The following PUDP variants were observed in gnomAD, a reference collection of about 807,000 sequenced individuals.
The protein encoded by PUDP is pseudouridine-5'-phosphatase.
Under a neutral mutation model 9.4 loss-of-function variants are expected in PUDP, and 8 were observed. The ratio of observed to expected loss-of-function variants is 0.85; its 90% CI spans 0.50 to 1.53. The LOEUF is 1.53. Ranked by LOEUF, PUDP falls within the 40% of genes most tolerant of loss-of-function variation. The probability of loss-of-function intolerance (pLI) is 0.00; values close to 1 mark genes in which losing one functional copy is unlikely to be tolerated. For synonymous variants in PUDP, 99 were observed against 80.7 expected (o/e 1.23, Z -1.22); for missense variants, 188 against 189.7 (o/e 0.99, Z 0.05).
chrX:7,019,686 C>A (rs1929602588), intron 1 of PUDP, among the ~76,000 whole-genome samples: 1 of 112,064 alleles, frequency 8.9e-6, no homozygotes, highest in Non-Finnish European at 1.9e-5. Context: ...ATGCAAGCCT[C>A]CATTCTTCAA....
At chrX:6,832,236 G>A (rs7879301) in intron 3 of PUDP, among the ~76,000 whole-genome samples, 21,461 of 111,031 alleles carry the variant, frequency 0.19, 1,673 homozygotes, top group East Asian at 0.46. Flanking sequence ...CACCAAAGAA[G>A]TTCTGTTTAG....
rs1569122798 is a variant in PUDP at position 6,916,243 on chromosome X, CACACA to C, written c.*247+60885_*247+60889del. On this transcript the variant is annotated intron_variant and NMD_transcript_variant, in intron 3 of 3. Coordinates refer to the PUDP transcript ENST00000655425. The stretch of plus-strand genomic sequence containing the variant: ...ACACACACACACACACACACACACA[CACACA>C]CCCTGGGGAACTGGTAAATTTGGGG... 2.4e-3 allele frequency among the ~76,000 whole-genome samples: 201 copies of C among 83,542 alleles called. 1 individual carries two copies. Among genetic ancestry groups the C allele is most frequent in the African/African-American group, 0.01 (193 of 18,858 alleles). 72.5% of individuals were successfully genotyped at this position (83,542 alleles called of 115,157 possible). A position where few individuals can be genotyped will look rare whatever the true frequency, so the allele number is the denominator to read the frequency against.
intron 3 of PUDP, among the ~76,000 whole-genome samples, chrX:6,920,264 C>T (rs961155809): frequency 4.5e-5 from 5 of 111,081 alleles, no homozygotes; most frequent in African/African-American, 1.6e-4. Context: ...TTGGTCATCA[C>T]CTAGGTTCTT....
chrX:7,024,470 C>T (rs1183917951), intron 1 of PUDP, among the ~76,000 whole-genome samples: 1 of 110,402 alleles, frequency 9.1e-6, no homozygotes, highest in Admixed American at 9.6e-5. Flanking sequence ...TTTGTTTTTT[C>T]GTCTTTTTTA....
intron 3 of PUDP, among the ~76,000 whole-genome samples, chrX:6,839,099 T>C (rs1926627495): frequency 8.9e-6 from 1 of 112,397 alleles, no homozygotes; most frequent in African/African-American, 3.2e-5. Context: ...TCCTAAGGAA[T>C]AGCACATTGA....
rs767516873 is a variant in PUDP at position 6,961,150 on chromosome X, A to T, written c.*247+15983T>A. On this transcript the variant is annotated intron_variant and NMD_transcript_variant, in intron 3 of 3. Transcript: ENST00000655425. ...TGTGGTGCCTCATACCTGTAATCCC[A>T]GCACTTTGGGAGGACGAGGTAGGTG... Among the ~76,000 whole-genome samples the T allele has an allele frequency of 2.2e-4, 25 of 111,924 alleles. 1 individual carries two copies. The highest frequency in any genetic ancestry group is 8.1e-4 in the African/African-American group (25 of 30,857).
intron 3 of PUDP, among the ~76,000 whole-genome samples, chrX:6,727,852 G>A (rs12832138): frequency 6.6e-4 from 74 of 111,467 alleles, no homozygotes; most frequent in African/African-American, 2.3e-3. Flanking sequence ...TCAAGCTATC[G>A]ATGTCACTGT....
downstream of PUDP, among the ~76,000 whole-genome samples, chrX:7,043,985 A>G (rs1253715397): frequency 8.9e-6 from 1 of 112,373 alleles, no homozygotes; most frequent in Non-Finnish European, 1.9e-5. Context: ...ATGCATGCAA[A>G]TCTAACTGAC....
At chrX:6,872,484 A>T (rs1430555664) in intron 3 of PUDP, among the ~76,000 whole-genome samples, 1 of 110,175 alleles carries the variant, frequency 9.1e-6, no homozygotes, top group Non-Finnish European at 1.9e-5. Context: ...GGATCACTTG[A>T]GGTCAGGAGT....
intron 1 of PUDP, among the ~76,000 whole-genome samples, chrX:7,135,036 T>C (rs1221779409): frequency 8.9e-6 from 1 of 111,913 alleles, no homozygotes; most frequent in Non-Finnish European, 1.9e-5. Context: ...ATGGCAGGGA[T>C]ACAACTGGGT....
At chrX:7,100,670 G>A (rs1473192073) in intron 2 of PUDP, among the ~76,000 whole-genome samples, 2 of 111,948 alleles carry the variant, frequency 1.8e-5, no homozygotes, top group Non-Finnish European at 3.8e-5. Context: ...GTCACCTTCC[G>A]AGGGGAATTC....
chrX:6,918,703 A>C (rs1292107852), intron 3 of PUDP, among the ~76,000 whole-genome samples: 1 of 111,664 alleles, frequency 9.0e-6, no homozygotes, highest in Non-Finnish European at 1.9e-5. Context: ...TTTCACTGTA[A>C]CCTCACGTAG....
rs757469531 is a variant in PUDP, at chrX:7,018,264, A to C, written c.205-39921T>G. Reference sequence around the variant, plus strand: ...CCTGAATTCTTTCTTGGCGAGATCCAAGAACCCTCTCTTGGGGTCTGGATC... The same window carrying C: ...CCTGAATTCTTTCTTGGCGAGATCCCAGAACCCTCTCTTGGGGTCTGGATC... On this transcript the variant is annotated intron_variant and NMD_transcript_variant, in intron 1 of 3. Coordinates refer to the PUDP transcript ENST00000655425. 1.1e-3 allele frequency among the ~76,000 whole-genome samples: 122 copies of C among 112,029 alleles called. 1 individual carries two copies. The highest frequency in any genetic ancestry group is 1.6e-3 in the Non-Finnish European group (85 of 53,214).
intron 3 of PUDP, among the ~76,000 whole-genome samples, chrX:6,923,941 C>T (rs1377107933): frequency 9.0e-6 from 1 of 110,962 alleles, no homozygotes; most frequent in Non-Finnish European, 1.9e-5. Flanking sequence ...TTCTCCCTTG[C>T]CAGCCCCAAA....
At chrX:7,053,164 G>A (rs1930148701) in intron 3 of PUDP, among the ~76,000 whole-genome samples, 1 of 107,283 alleles carries the variant, frequency 9.3e-6, no homozygotes, top group African/African-American at 3.4e-5. Flanking sequence ...GACTGGGGTA[G>A]AGGAAGAGAT....
intron 3 of PUDP, among the ~76,000 whole-genome samples, chrX:6,865,700 G>A (rs1323265234): frequency 9.0e-6 from 1 of 110,956 alleles, no homozygotes; most frequent in African/African-American, 3.3e-5. Flanking sequence ...CCTATATCAT[G>A]GCAGATATGC....
intron 1 of PUDP, among the ~76,000 whole-genome samples, chrX:6,998,056 G>A (rs1390182795): frequency 8.9e-6 from 1 of 111,857 alleles, no homozygotes; most frequent in Non-Finnish European, 1.9e-5. Context: ...TCATAGTCTT[G>A]TGGACCTGGT....
At chrX:7,046,148 C>G (rs780119431), downstream of PUDP, among the ~76,000 whole-genome samples, 4 of 112,232 alleles carry the variant, frequency 3.6e-5, no homozygotes, top group South Asian at 1.5e-3. Context: ...CTCCACCTCC[C>G]TCCAATTCCT....
chrX:7,125,307 A>C (rs1455576443), intron 1 of PUDP, among the ~76,000 whole-genome samples: 2 of 111,881 alleles, frequency 1.8e-5, no homozygotes, highest in Admixed American at 9.5e-5. Context: ...CCATTTAGCT[A>C]ATGGCAATAA....
Sources: gnomAD v4.1 joint callset for allele counts (sites outside exome capture counted in the v4.1 genomes callset) on GRCh38, gnomAD v4.1.1 for gene constraint, MANE v1.5 for transcripts, NCBI Gene and HGNC (gene_info 2026-07-23, HGNC 2026-07-21) for gene names.